Variants in MACROD2 observed in about 807,000 individuals in gnomAD.
MACROD2 encodes mono-ADP ribosylhydrolase 2.
A neutral mutation model predicts 70.4 loss-of-function variants in MACROD2; 36 were observed. The ratio of observed to expected loss-of-function variants is 0.51; its 90% CI spans 0.39 to 0.68. MACROD2 has a LOEUF of 0.68. Among genes scored for constraint, MACROD2 ranks in the 30% least tolerant of loss-of-function variants. The pLI, the probability that MACROD2 is intolerant of heterozygous loss-of-function variation, is 0.00. For missense variants in MACROD2, 496 were observed against 538.4 expected (o/e 0.92, Z 0.78); for synonymous variants, 172 against 178.8 (o/e 0.96, Z 0.30).
intron 4 of MACROD2, among the ~76,000 whole-genome samples, chr20:14,680,606 C>G (rs190965414): frequency 1.3e-5 from 2 of 152,174 alleles, no homozygotes; most frequent in East Asian, 3.9e-4. Flanking sequence ...AAGCCTCTAC[C>G]ATATATTATA....
chr20:15,409,939 A>C (rs1312073469), intron 6 of MACROD2, among the ~76,000 whole-genome samples: 2 of 152,292 alleles, frequency 1.3e-5, no homozygotes, highest in African/African-American at 4.8e-5. Context: ...TAAGTAAACA[A>C]ATCCAAGTGC....
chr20:15,593,363 G>A (rs1247420842), intron 8 of MACROD2, among the ~76,000 whole-genome samples: 4 of 152,062 alleles, frequency 2.6e-5, no homozygotes, highest in Non-Finnish European at 4.4e-5. Flanking sequence ...GATAACATGC[G>A]CTACTGCCAT....
At chr20:15,717,660 G>A (rs2050725083) in intron 8 of MACROD2, among the ~76,000 whole-genome samples, 1 of 152,158 alleles carries the variant, frequency 6.6e-6, no homozygotes, top group African/African-American at 2.4e-5. Context: ...CAGGCCAGGA[G>A]CTAGGAGGAG....
chr20:15,647,879 C>A (rs146431913), intron 8 of MACROD2, among the ~76,000 whole-genome samples: 1 of 151,982 alleles, frequency 6.6e-6, no homozygotes, highest in Non-Finnish European at 1.5e-5. Context: ...ACCACCGCAT[C>A]GGCTAATTTT....
chr20:16,014,219 T>C (rs935784260), intron 15 of MACROD2, among the ~76,000 whole-genome samples: 3 of 152,216 alleles, frequency 2.0e-5, no homozygotes, highest in African/African-American at 7.2e-5. Flanking sequence ...ATAGACTAGG[T>C]GAAAATTCCA....
intron 5 of MACROD2, among the ~76,000 whole-genome samples, chr20:14,896,363 G>T (rs1433744657): frequency 2.6e-5 from 4 of 152,000 alleles, no homozygotes; most frequent in Admixed American, 1.3e-4. Flanking sequence ...CTTAAAGGAG[G>T]TATTTGTGTT....
chr20:14,783,341 A>T (rs1445994804), intron 5 of MACROD2, among the ~76,000 whole-genome samples: 1 of 152,128 alleles, frequency 6.6e-6, no homozygotes, highest in Non-Finnish European at 1.5e-5. Flanking sequence ...CACCTTAAGA[A>T]ATTAATATGC....
chr20:14,874,028 G>T (rs1568847927), intron 5 of MACROD2, among the ~76,000 whole-genome samples: 1 of 152,054 alleles, frequency 6.6e-6, no homozygotes, highest in Non-Finnish European at 1.5e-5. Context: ...AATGCAATCT[G>T]TTAAAAGTAA....
chr20:14,600,238 A>G (rs911621933), intron 4 of MACROD2, among the ~76,000 whole-genome samples: 1 of 151,868 alleles, frequency 6.6e-6, no homozygotes, highest in Non-Finnish European at 1.5e-5. Context: ...ATAAAATAGG[A>G]AAAACAGAAC....
At chr20:15,963,363 T>C (rs1211834253) in intron 12 of MACROD2, among the ~76,000 whole-genome samples, 1 of 152,222 alleles carries the variant, frequency 6.6e-6, no homozygotes, top group Admixed American at 6.5e-5. Context: ...CTTCCTCTCT[T>C]ACTCGGTGCG....
chr20:15,287,739 C>T (rs189328911), intron 6 of MACROD2, among the ~76,000 whole-genome samples: 2 of 152,286 alleles, frequency 1.3e-5, no homozygotes, highest in South Asian at 2.1e-4. Context: ...TCCTCATTCT[C>T]GCCTAAGTTT....
chr20:14,861,506 T>C (rs559349200), intron 5 of MACROD2, among the ~76,000 whole-genome samples: 98 of 152,154 alleles, frequency 6.4e-4, no homozygotes, highest in African/African-American at 2.3e-3. Flanking sequence ...CCTCTCCTAC[T>C]CTCTGATATC....
intron 6 of MACROD2, among the ~76,000 whole-genome samples, chr20:15,363,718 A>G (rs1336895294): frequency 3.3e-5 from 5 of 152,138 alleles, no homozygotes; most frequent in Non-Finnish European, 7.4e-5. Flanking sequence ...CCACAGACTC[A>G]TTTGGGAGCA....
chr20:16,039,711 G>A (rs1259200894), intron 15 of MACROD2, among the ~76,000 whole-genome samples: 1 of 151,922 alleles, frequency 6.6e-6, no homozygotes, highest in African/African-American at 2.4e-5. Flanking sequence ...ATTGAAAAAT[G>A]ATATATTTCT....
intron 5 of MACROD2, chr20:15,196,880 G>C (rs968784327): frequency 1.0e-6 from 1 of 985,340 alleles, no homozygotes; most frequent in Non-Finnish European, 1.2e-6. Flanking sequence ...CAGATGACAG[G>C]CTCAGGCCTT....
Position 15,021,228 on chromosome 20 carries a change from G to A in MACROD2, c.419-208712G>A, listed in dbSNP as rs866920058. 4.0e-3 allele frequency among the ~76,000 whole-genome samples: 409 copies of A among 103,370 alleles called. 21 individuals are homozygous for A. Among genetic ancestry groups the A allele is most frequent in the Admixed American group, 6.6e-3 (74 of 11,224 alleles). 67.8% of individuals were successfully genotyped at this position (103,370 alleles called of 152,430 possible). A position where few individuals can be genotyped will look rare whatever the true frequency, so the allele number is the denominator to read the frequency against. ...TGTATGTATACACATACAGGTGTGCGTATACACACACCTGTGTGTATGTAT... is the reference window on the plus strand; with the variant it reads ...TGTATGTATACACATACAGGTGTGCATATACACACACCTGTGTGTATGTAT... On this transcript the variant is annotated intron_variant, in intron 5 of 17. Coordinates refer to ENST00000684519, the MANE Select transcript of MACROD2 (RefSeq NM_001351661.2).
intron 6 of MACROD2, among the ~76,000 whole-genome samples, chr20:15,241,050 T>C (rs1173653526): frequency 2.0e-5 from 3 of 152,234 alleles, no homozygotes; most frequent in Non-Finnish European, 4.4e-5. Context: ...GCATTCATTA[T>C]ACTATTCTCT....
intron 5 of MACROD2, among the ~76,000 whole-genome samples, chr20:14,719,373 C>T (rs1201934189): frequency 6.6e-6 from 1 of 151,162 alleles, no homozygotes; most frequent in African/African-American, 2.4e-5. Flanking sequence ...TAGTTTTTCC[C>T]ATGGTCTTAG....
intron 7 of MACROD2, among the ~76,000 whole-genome samples, chr20:15,488,350 C>T (rs571781484): frequency 4.9e-4 from 74 of 152,256 alleles, no homozygotes; most frequent in Non-Finnish European, 9.1e-4. Flanking sequence ...TTCTCATGTT[C>T]CCAAATGTGG....
Sources: allele counts gnomAD v4.1 joint callset (sites outside exome capture counted in the v4.1 genomes callset), GRCh38; gene constraint gnomAD v4.1.1; transcripts MANE v1.5; gene names NCBI Gene and HGNC (gene_info 2026-07-23, HGNC 2026-07-21).